PIK3C2A: variants seen among roughly 807,000 people sequenced by gnomAD.
The protein encoded by PIK3C2A is phosphatidylinositol 4-phosphate 3-kinase C2 domain-containing subunit alpha.
PIK3C2A carries 97 observed loss-of-function variants against 204.5 expected under a neutral mutation model. The observed-to-expected ratio is 0.47, with a 90% CI of 0.40 to 0.56. The LOEUF (loss-of-function observed/expected upper bound fraction) is 0.56. PIK3C2A is among the 20% of genes least tolerant of loss of function. The pLI, the probability that PIK3C2A is intolerant of heterozygous loss-of-function variation, is 0.00. For missense variants in PIK3C2A, 1,735 were observed against 1,969.2 expected (o/e 0.88, Z 2.25); for synonymous variants, 653 against 664.4 (o/e 0.98, Z 0.26).
intron 1 of PIK3C2A, 65 bp downstream of exon 1, chr11:17,207,782 GC>G (rs1208007895): frequency 1.3e-5 from 2 of 152,392 alleles, no homozygotes; most frequent in Admixed American, 1.3e-4. Flanking sequence ...GAACCCCGGG[GC>G]CCCTCTCCAC....
At chr11:17,095,686 G>A (rs964297504) in intron 27 of PIK3C2A, among the ~76,000 whole-genome samples, 6 of 151,884 alleles carry the variant, frequency 4.0e-5, no homozygotes, top group African/African-American at 1.2e-4. Context: ...GAAATGAGTG[G>A]ATTACTTGGG....
At chr11:17,142,178 G>A (rs12286505) in intron 8 of PIK3C2A, among the ~76,000 whole-genome samples, 63,860 of 151,976 alleles carry the variant, frequency 0.42, 13,756 homozygotes, top group Non-Finnish European at 0.47. Flanking sequence ...AATTTGAGAT[G>A]TCAATTAATT....
intron 28 of PIK3C2A, among the ~76,000 whole-genome samples, chr11:17,093,463 A>C (rs771262290): frequency 1.3e-5 from 2 of 151,798 alleles, no homozygotes; most frequent in Non-Finnish European, 2.9e-5. Flanking sequence ...GAGACGGTTC[A>C]CCGTGTTAGC....
Position 17,091,986 on chromosome 11 carries a change from AT to A in PIK3C2A, c.4642+9del, listed in dbSNP as rs1848324415. 1 of 1,574,944 alleles carries A rather than the reference AT, an allele frequency of 6.3e-7. No homozygotes were observed. Among genetic ancestry groups the A allele is most frequent in the Non-Finnish European group, 8.7e-7 (1 of 1,145,064 alleles). Reference sequence around the variant, plus strand: ...TGAGTTACCAATAAAGAGAAAAAAAATAATCTCACCTGCAGACCTAGCTATC... The same window carrying A: ...TGAGTTACCAATAAAGAGAAAAAAAAAATCTCACCTGCAGACCTAGCTATC... On this transcript the variant is annotated intron_variant, in intron 30 of 32. Transcript: ENST00000691414.
intron 1 of PIK3C2A, among the ~76,000 whole-genome samples, chr11:17,182,000 G>A (rs1266426553): frequency 6.6e-6 from 1 of 151,330 alleles, no homozygotes; most frequent in African/African-American, 2.4e-5. Flanking sequence ...GGCTGAGAAA[G>A]AGAATCGCTT....
At chr11:17,173,664 G>A (rs1297221339) in intron 1 of PIK3C2A, among the ~76,000 whole-genome samples, 4 of 152,172 alleles carry the variant, frequency 2.6e-5, no homozygotes, top group African/African-American at 7.2e-5. Flanking sequence ...CAGAATCTGT[G>A]AACCTATGTG....
rs562680106 is a variant in PIK3C2A at position 17,105,150 on chromosome 11, G to A, written c.3681+19C>T. On this transcript the variant is annotated intron_variant, in intron 23 of 32. Transcript: ENST00000691414. ...CATTTTTGACAAAGCTTTTTAGAATGAGGAGACATGCTAATTACCTTTTCA... is the reference window on the plus strand; with the variant it reads ...CATTTTTGACAAAGCTTTTTAGAATAAGGAGACATGCTAATTACCTTTTCA... The A allele has an allele frequency of 4.4e-5, 71 of 1,596,584 alleles. No individual in the cohort carries two copies. Among genetic ancestry groups the A allele is most frequent in the Non-Finnish European group, 5.6e-5 (65 of 1,164,950 alleles).
chr11:17,138,571 T>G (rs1473848175), intron 8 of PIK3C2A, among the ~76,000 whole-genome samples: 4 of 152,178 alleles, frequency 2.6e-5, no homozygotes, highest in African/African-American at 9.7e-5. Flanking sequence ...CCTTTTTTCC[T>G]CAGCCTAGAG....
chr11:17,112,696 A>G (rs1849039861), intron 20 of PIK3C2A, 30 bp from the exon 21 acceptor site: 1 of 1,172,826 alleles, frequency 8.5e-7, no homozygotes, highest in Non-Finnish European at 1.2e-6. Context: ...AGCATTAGAA[A>G]GATAAATGAA....
At position 17,154,693 on chromosome 11, in the gene PIK3C2A, T is replaced by C. The variant is rs529885368; in HGVS notation, c.1169+833A>G. ...CTGCTACTGAGACCATTAAATTGCATGGAGGAAAGGCAGAGGAAGAAAAGT... is the reference window on the plus strand; with the variant it reads ...CTGCTACTGAGACCATTAAATTGCACGGAGGAAAGGCAGAGGAAGAAAAGT... On this transcript the variant is annotated intron_variant, in intron 3 of 32. Coordinates refer to ENST00000691414, the MANE Select transcript of PIK3C2A (RefSeq NM_002645.4). Among the ~76,000 whole-genome samples the C allele has an allele frequency of 2.3e-4, 35 of 152,044 alleles. No homozygotes were observed. In the South Asian group the frequency reaches 6.8e-3, roughly 30 times the overall value.
chr11:17,204,110 G>A (rs1211451628), intron 1 of PIK3C2A, among the ~76,000 whole-genome samples: 3 of 150,590 alleles, frequency 2.0e-5, no homozygotes, highest in African/African-American at 4.9e-5. Flanking sequence ...CTCCTGCCTC[G>A]ATCCTCCAAA....
chr11:17,137,894 A>G (rs1565267433), intron 8 of PIK3C2A: 6 of 383,456 alleles, frequency 1.6e-5, no homozygotes, highest in Non-Finnish European at 2.4e-5. Flanking sequence ...GAGCATTAGG[A>G]AGACACTTCC....
intron 11 of PIK3C2A, among the ~76,000 whole-genome samples, chr11:17,133,790 T>C (rs1415851998): frequency 6.6e-6 from 1 of 151,960 alleles, no homozygotes; most frequent in East Asian, 1.9e-4. Flanking sequence ...TAGCTAGGCA[T>C]GGTGGTGCAC....
rs1403922053 is a variant in PIK3C2A at position 17,174,604 on chromosome 11, A to AC, written c.-65-4799_-65-4798insG. Among the ~76,000 whole-genome samples the AC allele has an allele frequency of 7.0e-4, 19 of 27,338 alleles. 6 individuals are homozygous for AC. Among genetic ancestry groups the AC allele is most frequent in the African/African-American group, 2.7e-3 (16 of 5,950 alleles). The allele number at this position is 27,338 out of a possible 152,430, so 17.9% of individuals were successfully genotyped here. Reference sequence around the variant, plus strand: ...GCGAGACTCCGTCTCAAAAAAAAAAAAAAAACAAAACAGCAGCCACGCAGT... The same window carrying AC: ...GCGAGACTCCGTCTCAAAAAAAAAAACAAAAACAAAACAGCAGCCACGCAGT... On this transcript the variant is annotated intron_variant, in intron 1 of 32. Coordinates refer to ENST00000691414, the MANE Select transcript of PIK3C2A (RefSeq NM_002645.4).
chr11:17,147,408 C>G, intron 6 of PIK3C2A, 109 bp downstream of exon 6: 1 of 648,664 alleles, frequency 1.5e-6, no homozygotes, highest in Non-Finnish European at 2.8e-6. Context: ...GAGTTCATCA[C>G]CCCATTCTAA....
chr11:17,100,345 T>G (rs1335687542), intron 25 of PIK3C2A, among the ~76,000 whole-genome samples: 1 of 151,010 alleles, frequency 6.6e-6, no homozygotes, highest in African/African-American at 2.4e-5. Context: ...TCCTGAGTAG[T>G]TGGGATTACA....
intron 1 of PIK3C2A, among the ~76,000 whole-genome samples, chr11:17,173,991 C>T (rs61879720): frequency 0.027 from 4,056 of 151,970 alleles, 72 homozygotes; most frequent in Non-Finnish European, 0.042. Flanking sequence ...TTAGTAGAGA[C>T]CAAAAAGTTT....
At chr11:17,137,437 C>T (rs1285017167) in intron 8 of PIK3C2A, among the ~76,000 whole-genome samples, 11 of 3,956 alleles carry the variant, frequency 2.8e-3, no homozygotes, top group East Asian at 8.3e-3. Flanking sequence ...TTTTTTGAGA[C>T]GGACTCTCAT....
chr11:17,139,969 C>G (rs1303201202), intron 8 of PIK3C2A, among the ~76,000 whole-genome samples: 1 of 152,170 alleles, frequency 6.6e-6, no homozygotes, highest in Admixed American at 6.5e-5. Flanking sequence ...TTAATCTGCC[C>G]TTGGTCAGCT....
Sources: gnomAD v4.1 joint callset for allele counts (sites outside exome capture counted in the v4.1 genomes callset) on GRCh38, gnomAD v4.1.1 for gene constraint, MANE v1.5 for transcripts, NCBI Gene and HGNC (gene_info 2026-07-23, HGNC 2026-07-21) for gene names.